AGBL4: variants seen among roughly 807,000 people sequenced by gnomAD.
The protein encoded by AGBL4 is AGBL carboxypeptidase 4, also known as cytosolic carboxypeptidase 6.
In AGBL4, 58 loss-of-function variants were observed where a neutral mutation model predicts 66.4. The observed-to-expected ratio is 0.87, with a 90% CI of 0.71 to 1.09. The LOEUF (loss-of-function observed/expected upper bound fraction) is 1.09. AGBL4 is among the 50% of genes least tolerant of loss of function. AGBL4 has a pLI of 0.00. For synonymous variants in AGBL4, 234 were observed against 222.9 expected (o/e 1.05, Z -0.44); for missense variants, 579 against 631.0 (o/e 0.92, Z 0.88).
chr1:48,943,742 G>A (rs1311195426), intron 5 of AGBL4, among the ~76,000 whole-genome samples: 4 of 151,400 alleles, frequency 2.6e-5, no homozygotes, highest in South Asian at 2.1e-4. Flanking sequence ...ATGGGCTAAC[G>A]GAGTCTGGGT....
At chr1:49,127,667 G>A (rs1451356505) in intron 4 of AGBL4, among the ~76,000 whole-genome samples, 1 of 152,038 alleles carries the variant, frequency 6.6e-6, no homozygotes, top group African/African-American at 2.4e-5. Context: ...AGAGACATTA[G>A]GATTTATTCA....
At chr1:49,568,215 A>G (rs1443088871) in intron 3 of AGBL4, among the ~76,000 whole-genome samples, 6 of 152,200 alleles carry the variant, frequency 3.9e-5, no homozygotes, top group African/African-American at 1.2e-4. Flanking sequence ...CTGTCTCCAG[A>G]TGACATAATT....
intron 5 of AGBL4, among the ~76,000 whole-genome samples, chr1:49,000,365 A>T (rs929681619): frequency 6.6e-6 from 1 of 152,150 alleles, no homozygotes; most frequent in Admixed American, 6.5e-5. Context: ...TCCATTGTTA[A>T]TAAGTATGTA....
At chr1:48,949,322 T>C (rs1445597633) in intron 5 of AGBL4, among the ~76,000 whole-genome samples, 1 of 152,166 alleles carries the variant, frequency 6.6e-6, no homozygotes, top group Non-Finnish European at 1.5e-5. Flanking sequence ...GTAAAGTAGG[T>C]AGACCGAGAT....
intron 8 of AGBL4, among the ~76,000 whole-genome samples, chr1:48,642,653 A>T (rs147159035): frequency 1.3e-5 from 2 of 152,276 alleles, no homozygotes; most frequent in East Asian, 3.9e-4. Context: ...TTCCAGAACC[A>T]AAAGATTATT....
intron 3 of AGBL4, among the ~76,000 whole-genome samples, chr1:49,393,972 A>T (rs1291831948): frequency 6.6e-6 from 1 of 152,148 alleles, no homozygotes; most frequent in African/African-American, 2.4e-5. Context: ...AAAAAGTTGA[A>T]ACTTTATTCT....
At chr1:48,846,112 A>G (rs534129746) in intron 6 of AGBL4, among the ~76,000 whole-genome samples, 1 of 152,192 alleles carries the variant, frequency 6.6e-6, no homozygotes, top group Non-Finnish European at 1.5e-5. Context: ...GAGAGCCACA[A>G]CCTGGGAGCT....
At chr1:48,617,889 G>T (rs2148391232) in intron 9 of AGBL4, among the ~76,000 whole-genome samples, 1 of 152,218 alleles carries the variant, frequency 6.6e-6, no homozygotes, top group South Asian at 2.1e-4. Flanking sequence ...TTTTTAAAAA[G>T]GTAAAAGAGG....
chr1:49,014,063 TA>T (rs375726378), intron 5 of AGBL4, among the ~76,000 whole-genome samples: 2 of 152,184 alleles, frequency 1.3e-5, no homozygotes, highest in East Asian at 1.9e-4. Context: ...TCTAATGCAA[TA>T]AAAAAACCCT....
chr1:49,290,731 T>C (rs1644517589), intron 3 of AGBL4, among the ~76,000 whole-genome samples: 1 of 152,176 alleles, frequency 6.6e-6, no homozygotes, highest in African/African-American at 2.4e-5. Flanking sequence ...TGGCCTGGCA[T>C]AGATGCCTGT....
At chr1:49,393,487 A>C (rs1049948650) in intron 3 of AGBL4, among the ~76,000 whole-genome samples, 1 of 152,198 alleles carries the variant, frequency 6.6e-6, no homozygotes, top group Non-Finnish European at 1.5e-5. Context: ...AGCACTCTCA[A>C]GCGAGAGAAG....
At chr1:49,630,007 C>T (rs771108653) in intron 3 of AGBL4, among the ~76,000 whole-genome samples, 2 of 152,134 alleles carry the variant, frequency 1.3e-5, no homozygotes, top group Non-Finnish European at 2.9e-5. Context: ...CTCCACAAGT[C>T]CCTGAAAGTC....
chr1:48,675,013 C>T (rs932962894), intron 6 of AGBL4, among the ~76,000 whole-genome samples: 1 of 152,198 alleles, frequency 6.6e-6, no homozygotes, highest in Non-Finnish European at 1.5e-5. Context: ...TTCATATCTT[C>T]CTGGCACTCA....
chr1:48,916,596 G>T (rs1195060673), intron 5 of AGBL4, among the ~76,000 whole-genome samples: 1 of 151,894 alleles, frequency 6.6e-6, no homozygotes, highest in African/African-American at 2.4e-5. Context: ...ATGTTTCCTT[G>T]TTCAAAAAAA....
intron 3 of AGBL4, among the ~76,000 whole-genome samples, chr1:49,403,496 T>C (rs1402839887): frequency 1.3e-5 from 2 of 152,226 alleles, no homozygotes; most frequent in Non-Finnish European, 2.9e-5. Context: ...ATTCCTTCTC[T>C]GTTATCTTGG....
At chr1:49,740,680 CAG>C (rs1337803962) in intron 2 of AGBL4, among the ~76,000 whole-genome samples, 1 of 151,532 alleles carries the variant, frequency 6.6e-6, no homozygotes, top group Admixed American at 6.6e-5. Context: ...TGTAAAATAA[CAG>C]AAATTATAAC....
chr1:48,749,273 C>T (rs1046579758), intron 6 of AGBL4, among the ~76,000 whole-genome samples: 4 of 152,094 alleles, frequency 2.6e-5, no homozygotes, highest in African/African-American at 7.2e-5. Flanking sequence ...CCCACTGTCA[C>T]GTGATTGTTT....
At chr1:48,968,147 AGCAGGAACTAT>A (rs1658601108) in intron 5 of AGBL4, among the ~76,000 whole-genome samples, 8 of 152,258 alleles carry the variant, frequency 5.3e-5, no homozygotes, top group Admixed American at 5.2e-4. Context: ...TCCTAGAGAT[AGCAGGAACTAT>A]CCCTAGGAAT....
intron 5 of AGBL4, among the ~76,000 whole-genome samples, chr1:48,899,166 G>A (rs879819886): frequency 1.3e-5 from 2 of 152,210 alleles, no homozygotes; most frequent in African/African-American, 4.8e-5. Context: ...GCGCCAGCCC[G>A]AGTGACGCCT....
Sources: allele counts gnomAD v4.1 joint callset (sites outside exome capture counted in the v4.1 genomes callset), GRCh38; gene constraint gnomAD v4.1.1; transcripts MANE v1.5; gene names NCBI Gene and HGNC (gene_info 2026-07-23, HGNC 2026-07-21).